Variants in ANO2 observed in about 807,000 individuals in gnomAD.
ANO2 encodes the protein anoctamin 2.
Under a neutral mutation model 124.2 loss-of-function variants are expected in ANO2, and 101 were observed. The observed-to-expected ratio is 0.81, with a 90% CI of 0.69 to 0.96. The LOEUF is 0.96. Ranked by LOEUF, ANO2 falls within the 40% of genes least tolerant of loss-of-function variation. The pLI, the probability that ANO2 is intolerant of heterozygous loss-of-function variation, is 0.00. For synonymous variants in ANO2, 486 were observed against 482.5 expected (o/e 1.01, Z -0.09); for missense variants, 1,293 against 1,274.5 (o/e 1.01, Z -0.22).
chr12:5,567,362 C>T (rs1328501945), intron 23 of ANO2, among the ~76,000 whole-genome samples: 1 of 152,188 alleles, frequency 6.6e-6, no homozygotes, highest in Admixed American at 6.5e-5. Context: ...ATAAGAACAT[C>T]TTGGGGTGGG....
At chr12:5,709,359 C>T (rs929487318) in intron 14 of ANO2, among the ~76,000 whole-genome samples, 19 of 152,214 alleles carry the variant, frequency 1.2e-4, no homozygotes, top group Non-Finnish European at 2.6e-4. Context: ...CTATGGAACA[C>T]GAGATGTGCA....
At chr12:5,876,479 G>T (rs529682260) in intron 3 of ANO2, among the ~76,000 whole-genome samples, 2 of 152,012 alleles carry the variant, frequency 1.3e-5, no homozygotes, top group South Asian at 4.2e-4. Context: ...CCTATTACTG[G>T]GTATAAACGC....
intron 14 of ANO2, among the ~76,000 whole-genome samples, chr12:5,660,492 G>A (rs1407288130): frequency 6.7e-6 from 1 of 150,310 alleles, no homozygotes; most frequent in African/African-American, 2.5e-5. Flanking sequence ...TCTCCACCCA[G>A]CTCCTCCCTC....
At chr12:5,793,422 T>C (rs1054168005) in intron 10 of ANO2, among the ~76,000 whole-genome samples, 2 of 152,310 alleles carry the variant, frequency 1.3e-5, no homozygotes, top group African/African-American at 4.8e-5. Context: ...GAGGCTATGG[T>C]TTGTTCCTAG....
chr12:5,849,184 C>T (rs962516454), intron 4 of ANO2, among the ~76,000 whole-genome samples: 5 of 152,260 alleles, frequency 3.3e-5, no homozygotes, highest in South Asian at 2.1e-4. Context: ...AAAGCTCTGA[C>T]GATTGGACAA....
intron 3 of ANO2, chr12:5,870,477 C>T (rs1401787845): frequency 2.0e-5 from 3 of 152,256 alleles, no homozygotes; most frequent in African/African-American, 4.8e-5. Flanking sequence ...GGTTCCCTCC[C>T]GCTGAAAGAT....
intron 1 of ANO2, among the ~76,000 whole-genome samples, chr12:5,923,064 A>G (rs1174816164): frequency 5.4e-5 from 6 of 112,114 alleles, no homozygotes; most frequent in Non-Finnish European, 5.8e-5. Flanking sequence ...ACCCACATAC[A>G]CACACACATG....
intron 12 of ANO2, among the ~76,000 whole-genome samples, 197 bp from the exon 13 acceptor site, chr12:5,739,596 T>TACAC (rs71064167): frequency 0.07 from 10,208 of 145,076 alleles, 450 homozygotes; most frequent in African/African-American, 0.11. Context: ...ATAGATATGT[T>TACAC]ACACACACAC....
chr12:5,817,508 GA>G (rs1176728127), intron 7 of ANO2, among the ~76,000 whole-genome samples: 2 of 152,148 alleles, frequency 1.3e-5, no homozygotes, highest in Non-Finnish European at 2.9e-5. Context: ...AAACAAGCAA[GA>G]AAGAGATTCG....
At chr12:5,930,470 C>T (rs1421997988) in intron 1 of ANO2, among the ~76,000 whole-genome samples, 1 of 152,120 alleles carries the variant, frequency 6.6e-6, no homozygotes, top group African/African-American at 2.4e-5. Context: ...CGGACTCGAT[C>T]AGGAAAGACC....
chr12:5,925,554 G>A lies in ANO2; in HGVS notation c.23-2750C>T, dbSNP rs1942044770. On this transcript the variant is annotated intron_variant, in intron 1 of 24. Coordinates refer to ENST00000682330, the MANE Select transcript of ANO2 (RefSeq NM_001364791.2). The surrounding 1 kb of genome is among the most constrained non-coding windows in gnomAD (Gnocchi z 4.6). Reference sequence around the variant, plus strand: ...GAGGAAGGCCAAGGGGAACGCGAGTGACGCCTGCCCTCAGGAAGGGGAAGG... The same window carrying A: ...GAGGAAGGCCAAGGGGAACGCGAGTAACGCCTGCCCTCAGGAAGGGGAAGG... 6.6e-6 allele frequency among the ~76,000 whole-genome samples: 1 copy of A among 152,212 alleles called. No homozygotes were observed. Among genetic ancestry groups the A allele is most frequent in the African/African-American group, 2.4e-5 (1 of 41,456 alleles).
intron 14 of ANO2, among the ~76,000 whole-genome samples, chr12:5,700,476 C>T (rs889287531): frequency 2.6e-5 from 4 of 152,108 alleles, no homozygotes; most frequent in African/African-American, 7.2e-5. Flanking sequence ...TAAATGCCCA[C>T]AAGAGAAAGC....
At chr12:5,563,927 TCTAAGCCTCCAGGCCCTCC>T (rs1941599347) in intron 24 of ANO2, among the ~76,000 whole-genome samples, 1 of 152,214 alleles carries the variant, frequency 6.6e-6, no homozygotes, top group African/African-American at 2.4e-5. Flanking sequence ...CTTCTTGGCC[TCTAAGCCTCCAGGCCCTCC>T]CTGCTTTAGA....
intron 16 of ANO2, 150 bp from the exon 17 acceptor site, chr12:5,615,447 A>G: frequency 1.7e-6 from 1 of 594,452 alleles, no homozygotes; most frequent in Non-Finnish European, 3.0e-6. Context: ...AACTGAAGTC[A>G]TCTGGGAGGC....
intron 16 of ANO2, among the ~76,000 whole-genome samples, chr12:5,618,269 T>G (rs1457148246): frequency 2.0e-5 from 3 of 152,038 alleles, no homozygotes; most frequent in Non-Finnish European, 4.4e-5. Context: ...AGAACGCCCA[T>G]AGACAGAGAG....
intron 14 of ANO2, among the ~76,000 whole-genome samples, chr12:5,674,908 G>C (rs1317143996): frequency 6.6e-6 from 1 of 152,044 alleles, no homozygotes. Flanking sequence ...TCATCATTAC[G>C]GCTCTTAGGA....
At chr12:5,751,521 A>G (rs780248543) in intron 10 of ANO2, among the ~76,000 whole-genome samples, 1 of 152,106 alleles carries the variant, frequency 6.6e-6, no homozygotes, top group African/African-American at 2.4e-5. Context: ...GGTGGTTTTT[A>G]TTTCTTTATT....
chr12:5,683,383 T>C (rs962095516), intron 14 of ANO2, among the ~76,000 whole-genome samples: 1 of 152,094 alleles, frequency 6.6e-6, no homozygotes, highest in African/African-American at 2.4e-5. Context: ...GGAAATGCAA[T>C]GTACACCCTT....
At chr12:5,799,909 T>C (rs1016928236) in intron 9 of ANO2, among the ~76,000 whole-genome samples, 1 of 152,262 alleles carries the variant, frequency 6.6e-6, no homozygotes, top group Non-Finnish European at 1.5e-5. Context: ...TCTCCTTATG[T>C]GCCAGGCACT....
Sources: allele counts gnomAD v4.1 joint callset (sites outside exome capture counted in the v4.1 genomes callset), GRCh38; gene constraint gnomAD v4.1.1; non-coding constraint Gnocchi (gnomAD v3.1); transcripts MANE v1.5; gene names NCBI Gene and HGNC (gene_info 2026-07-23, HGNC 2026-07-21).